ATG10: variants seen among roughly 807,000 people sequenced by gnomAD.
ATG10 encodes ubiquitin-like-conjugating enzyme ATG10.
Under a neutral mutation model 32.1 loss-of-function variants are expected in ATG10, and 30 were observed. The observed-to-expected ratio is 0.94, with a 90% CI of 0.70 to 1.27. ATG10 has a LOEUF of 1.27. ATG10 is among the 50% of genes most tolerant of loss of function. ATG10 has a pLI of 0.00. For synonymous variants in ATG10, 87 were observed against 91.5 expected, an observed-to-expected ratio of 0.95 and a Z score of 0.28; for missense variants, 233 against 262.3, an observed-to-expected ratio of 0.89 and a Z score of 0.77.
At chr5:82,173,779 A>C (rs1012725559) in intron 4 of ATG10, among the ~76,000 whole-genome samples, 5 of 152,190 alleles carry the variant, frequency 3.3e-5, no homozygotes, top group African/African-American at 1.2e-4. Flanking sequence ...GTCTCCTCTG[A>C]CTGAGGCCAG....
At chr5:82,123,081 A>G (rs187751906) in intron 3 of ATG10, among the ~76,000 whole-genome samples, 120 of 152,366 alleles carry the variant, frequency 7.9e-4, no homozygotes, top group African/African-American at 2.5e-3. Flanking sequence ...AGCACTATTC[A>G]CAATAGCAAA....
At chr5:82,204,753 G>C (rs1745217449) in intron 5 of ATG10, among the ~76,000 whole-genome samples, 1 of 152,120 alleles carries the variant, frequency 6.6e-6, no homozygotes, top group Non-Finnish European at 1.5e-5. Flanking sequence ...ATTGGCTTAT[G>C]GATGATGCAA....
chr5:82,045,632 G>C lies in ATG10; in HGVS notation c.109-12863G>C, dbSNP rs149092826. Among the ~76,000 whole-genome samples, 96 of 152,200 alleles carry C rather than the reference G, an allele frequency of 6.3e-4. No individual in the cohort carries two copies. In the East Asian group the frequency reaches 0.017, roughly 28 times the overall value. ...TCTGATAGATGACACAGAGAAGGAG[G>C]GAATTCAGTATAAGAGCTTTAAACC... On this transcript the variant is annotated intron_variant, in intron 2 of 7. Transcript: ENST00000282185.
In ATG10 at chr5:81,996,462, A is replaced by G. The variant is rs562046018; in HGVS notation, c.108+8784A>G. On this transcript the variant is annotated intron_variant, in intron 2 of 7. Coordinates refer to ENST00000282185, the MANE Select transcript of ATG10 (RefSeq NM_031482.5). ...ACTATGTTGCCCAGGCTGGTCTCGA[A>G]CTCCTGGCCTCAAGCGATCCTCCCA... Among the ~76,000 whole-genome samples the G allele has an allele frequency of 2.6e-5, 4 of 152,100 alleles. No individual in the cohort carries two copies. The South Asian group carries it at 6.2e-4, about 24-fold the overall frequency.
chr5:82,026,385 G>A (rs543115023), intron 2 of ATG10, among the ~76,000 whole-genome samples: 1 of 152,128 alleles, frequency 6.6e-6, no homozygotes, highest in Admixed American at 6.5e-5. Flanking sequence ...TTCTGTTAAT[G>A]GATATTGGGG....
At chr5:82,020,816 A>G (rs1291522120) in intron 2 of ATG10, among the ~76,000 whole-genome samples, 1 of 152,228 alleles carries the variant, frequency 6.6e-6, no homozygotes, top group African/African-American at 2.4e-5. Flanking sequence ...AGAAGGCAAT[A>G]CCAAAGGACA....
intron 3 of ATG10, among the ~76,000 whole-genome samples, chr5:82,103,371 A>C (rs1765341403): frequency 6.6e-6 from 1 of 152,168 alleles, no homozygotes; most frequent in South Asian, 2.1e-4. Context: ...GGACCCCATT[A>C]AGCCAAAAGT....
At chr5:82,215,523 T>G (rs1023752722) in intron 5 of ATG10, among the ~76,000 whole-genome samples, 1 of 152,216 alleles carries the variant, frequency 6.6e-6, no homozygotes, top group African/African-American at 2.4e-5. Flanking sequence ...AATTAATTTT[T>G]ATATATCTTT....
intron 3 of ATG10, among the ~76,000 whole-genome samples, chr5:82,115,828 G>A (rs1405759353): frequency 6.6e-6 from 1 of 152,062 alleles, no homozygotes; most frequent in African/African-American, 2.4e-5. Context: ...ACTGGATTCA[G>A]ATTCAAGGGC....
At chr5:82,228,278 A>T (rs890890038) in intron 5 of ATG10, among the ~76,000 whole-genome samples, 5 of 152,032 alleles carry the variant, frequency 3.3e-5, no homozygotes, top group Admixed American at 1.3e-4. Flanking sequence ...TTAACTCATG[A>T]TTTCCAAAAA....
intron 2 of ATG10, among the ~76,000 whole-genome samples, chr5:82,015,955 T>C (rs1333729643): frequency 6.6e-6 from 1 of 152,238 alleles, no homozygotes; most frequent in Non-Finnish European, 1.5e-5. Flanking sequence ...CTTCATGGTT[T>C]TATCTACCTT....
chr5:82,050,253 A>G (rs911314082), intron 2 of ATG10, among the ~76,000 whole-genome samples: 3 of 152,070 alleles, frequency 2.0e-5, no homozygotes, highest in Non-Finnish European at 4.4e-5. Flanking sequence ...ACCCCTATTG[A>G]TGATGAATAA....
At chr5:82,008,185 T>C (rs1049439690) in intron 2 of ATG10, among the ~76,000 whole-genome samples, 3 of 152,190 alleles carry the variant, frequency 2.0e-5, no homozygotes, top group African/African-American at 7.2e-5. Flanking sequence ...ACTGTATTTG[T>C]TTAAGTCATC....
At chr5:82,076,940 G>C (rs1298276173) in intron 3 of ATG10, among the ~76,000 whole-genome samples, 1 of 152,128 alleles carries the variant, frequency 6.6e-6, no homozygotes, top group Non-Finnish European at 1.5e-5. Flanking sequence ...ATTGGTTTAG[G>C]CTTTTGGTAG....
chr5:82,000,456 G>A (rs116359904), intron 2 of ATG10, among the ~76,000 whole-genome samples: 4,574 of 152,232 alleles, frequency 0.03, 101 homozygotes, highest in Middle Eastern at 0.051. Context: ...AGTACTGGAA[G>A]TCCTGGCCAG....
chr5:82,136,989 G>A (rs930124113), intron 3 of ATG10, among the ~76,000 whole-genome samples: 2 of 151,448 alleles, frequency 1.3e-5, no homozygotes, highest in Non-Finnish European at 2.9e-5. Flanking sequence ...CCTTTCTTCC[G>A]CTTGATTGAT....
chr5:82,082,161 G>T (rs1003385177), intron 3 of ATG10, among the ~76,000 whole-genome samples: 10 of 152,194 alleles, frequency 6.6e-5, no homozygotes, highest in African/African-American at 2.2e-4. Context: ...TGGGGGGGGG[G>T]ACACAGCCAA....
intron 2 of ATG10, among the ~76,000 whole-genome samples, chr5:82,043,958 T>C (rs534555670): frequency 3.3e-5 from 5 of 152,180 alleles, no homozygotes; most frequent in African/African-American, 1.2e-4. Flanking sequence ...CTTCTGCTTG[T>C]TATTCAGTTC....
At chr5:82,201,388 C>T (rs1213617462) in intron 5 of ATG10, among the ~76,000 whole-genome samples, 1 of 152,080 alleles carries the variant, frequency 6.6e-6, no homozygotes, top group Non-Finnish European at 1.5e-5. Flanking sequence ...ATTGGTGCAG[C>T]TCCATTTATT....
Sources: allele counts gnomAD v4.1 joint callset (sites outside exome capture counted in the v4.1 genomes callset), GRCh38; gene constraint gnomAD v4.1.1; transcripts MANE v1.5; gene names NCBI Gene and HGNC (gene_info 2026-07-23, HGNC 2026-07-21).